The following EPRS1 variants were observed in gnomAD, a reference collection of about 807,000 sequenced individuals.
EPRS1 encodes the protein glutamyl-prolyl-tRNA synthetase 1, also known as bifunctional glutamate/proline--tRNA ligase.
Under a neutral mutation model 188.3 loss-of-function variants are expected in EPRS1, and 107 were observed. The observed-to-expected ratio is 0.57, with a 90% CI of 0.49 to 0.67. The LOEUF (loss-of-function observed/expected upper bound fraction) is 0.67. Among genes scored for constraint, EPRS1 ranks in the 30% least tolerant of loss-of-function variants. The pLI is 0.00. For synonymous variants in EPRS1, 596 were observed against 593.1 expected (o/e 1.00, Z -0.07); for missense variants, 1,577 against 1,802.2 (o/e 0.88, Z 2.26).
In EPRS1 at chr1:219,988,788, G is replaced by A. The variant is rs760012511; in HGVS notation, c.2577C>T (p.Ser859=). The change falls in exon 19 of 32, where the codon TCC becomes TCT. Residue 859 remains serine (S), a synonymous_variant. Transcript: ENST00000366923. ...KINEAVECLL[S]LKAQYKEKTG... Reference sequence around the variant, plus strand: ...TTTTTTCTTTATACTGAGCCTTCAGGGACAGTAAGCATTCTACAGCTTCAT... The same window carrying A: ...TTTTTTCTTTATACTGAGCCTTCAGAGACAGTAAGCATTCTACAGCTTCAT... The A allele has an allele frequency of 1.2e-6, 2 of 1,611,448 alleles. No homozygotes were observed. The highest frequency in any genetic ancestry group is 4.5e-5 in the East Asian group (2 of 44,834).
rs1660822291 is a variant in EPRS1, at chr1:219,978,536, A to T, written c.4083+10T>A. 1 of 1,550,030 alleles carries T rather than the reference A, an allele frequency of 6.5e-7. No individual in the cohort carries two copies. Among genetic ancestry groups the T allele is most frequent in the East Asian group, 2.4e-5 (1 of 41,846 alleles). ...ATGTTGGGGGTAAAAGATAAAGCTT[A>T]GGAATTTACCTTGAGCTCCCAGTGA... On this transcript the variant is annotated intron_variant, in intron 28 of 31. Coordinates refer to ENST00000366923, the MANE Select transcript of EPRS1 (RefSeq NM_004446.3).
In EPRS1 at chr1:219,978,517, G is replaced by T. The variant is rs764066964; in HGVS notation, c.4083+29C>A. 10 of 1,502,064 alleles carry T rather than the reference G, an allele frequency of 6.7e-6. No individual in the cohort carries two copies. In the Admixed American group the frequency reaches 2.1e-4, roughly 32 times the overall value. The allele number at this position is 1,502,064 out of a possible 1,614,324, so 93.0% of individuals were successfully genotyped here. On this transcript the variant is annotated intron_variant, in intron 28 of 31. Transcript: ENST00000366923. ...ATCTAAACTCAAATTGCAGATGTTG[G>T]GGGTAAAAGATAAAGCTTAGGAATT...
At chr1:219,983,668 G>T (rs2102565533) in intron 21 of EPRS1, among the ~76,000 whole-genome samples, 1 of 152,246 alleles carries the variant, frequency 6.6e-6, no homozygotes, top group South Asian at 2.1e-4. Flanking sequence ...CGAGGTGGGT[G>T]GATTGCTTGA....
At chr1:220,032,362 T>TAA (rs34457701) in intron 5 of EPRS1, 25 bp downstream of exon 5, 5 of 1,503,652 alleles carry the variant, frequency 3.3e-6, no homozygotes, top group Non-Finnish European at 3.6e-6. Flanking sequence ...TTTTTTTTTT[T>TAA]AAAAAAAAAG....
At chr1:219,996,000 T>G (rs1661224630) in intron 18 of EPRS1, among the ~76,000 whole-genome samples, 2 of 152,190 alleles carry the variant, frequency 1.3e-5, no homozygotes, top group South Asian at 4.1e-4. Flanking sequence ...CTACAATTTC[T>G]GGCAGCTCAT....
chr1:220,013,910 AT>A (rs768566913), intron 12 of EPRS1, among the ~76,000 whole-genome samples: 7 of 152,088 alleles, frequency 4.6e-5, no homozygotes, highest in Non-Finnish European at 1.0e-4. Context: ...ATCTCACAGG[AT>A]TTAGGAGAAA....
At chr1:219,978,852 A>T (rs756721615) in intron 27 of EPRS1, 133 bp from the exon 28 acceptor site, 11 of 593,342 alleles carry the variant, frequency 1.9e-5, no homozygotes, top group Admixed American at 3.3e-5. Flanking sequence ...CTTATATATA[A>T]TGTCTACTAA....
intron 3 of EPRS1, 83 bp downstream of exon 3, chr1:220,034,831 T>C (rs1662147421): frequency 3.7e-6 from 3 of 816,814 alleles, no homozygotes; most frequent in Admixed American, 3.5e-5. Context: ...GAATAGTTCA[T>C]AAGCCAACAA....
At chr1:219,977,987 A>G (rs1660811220) in intron 28 of EPRS1, among the ~76,000 whole-genome samples, 1 of 152,222 alleles carries the variant, frequency 6.6e-6, no homozygotes, top group African/African-American at 2.4e-5. Flanking sequence ...TATAAATCAG[A>G]ATTAAGGCCA....
At chr1:220,006,810 AAATT>A (rs1661496262) in intron 14 of EPRS1, among the ~76,000 whole-genome samples, 1 of 152,240 alleles carries the variant, frequency 6.6e-6, no homozygotes, top group African/African-American at 2.4e-5. Context: ...CTAGAAAGTC[AAATT>A]AATTATTAAC....
intron 12 of EPRS1, among the ~76,000 whole-genome samples, chr1:220,015,797 A>T (rs77664284): frequency 0.62 from 93,157 of 149,514 alleles, 30,688 homozygotes; most frequent in Non-Finnish European, 0.75. Flanking sequence ...GGTAATATAA[A>T]AAAAAAAAAA....
At chr1:220,027,063 G>A (rs535848116) in intron 6 of EPRS1, among the ~76,000 whole-genome samples, 12 of 150,660 alleles carry the variant, frequency 8.0e-5, no homozygotes, top group African/African-American at 2.4e-4. Flanking sequence ...AGGCGGAGGC[G>A]GGCAGATCAC....
Position 219,981,471 on chromosome 1 carries a change from G to A in EPRS1, c.3374-14C>T. On this transcript the variant is annotated splice_polypyrimidine_tract_variant and intron_variant, in intron 23 of 31. Coordinates refer to ENST00000366923, the MANE Select transcript of EPRS1 (RefSeq NM_004446.3). ...CAGGATACATTACTGAAAGACACGG[G>A]AAAATAGAGACAGTCATTTAAGGCT... 1 of 1,548,746 alleles carries A rather than the reference G, an allele frequency of 6.5e-7. No individual in the cohort carries two copies. Among genetic ancestry groups the A allele is most frequent in the Non-Finnish European group, 8.8e-7 (1 of 1,133,904 alleles).
chr1:219,976,730 G>C (rs1490350822), intron 28 of EPRS1, among the ~76,000 whole-genome samples: 1 of 152,176 alleles, frequency 6.6e-6, no homozygotes, highest in East Asian at 1.9e-4. Flanking sequence ...GTGAAGAAGA[G>C]AGAAAACGGC....
rs1660701957 is a variant in EPRS1, at chr1:219,973,176, T to G, written c.4244+62A>C. ...TGGGGCAACCCCAAAAATTCCTTGGTAAAGATCTCAAAGGTGGTGGAAGAT... is the reference window on the plus strand; with the variant it reads ...TGGGGCAACCCCAAAAATTCCTTGGGAAAGATCTCAAAGGTGGTGGAAGAT... On this transcript the variant is annotated intron_variant, in intron 29 of 31. Coordinates refer to ENST00000366923, the MANE Select transcript of EPRS1 (RefSeq NM_004446.3). The G allele has an allele frequency of 2.7e-6, 4 of 1,455,934 alleles. No individual in the cohort carries two copies. The Admixed American group carries it at 7.4e-5, about 27-fold the overall frequency. The allele number at this position is 1,455,934 out of a possible 1,614,324, so 90.2% of individuals were successfully genotyped here.
chr1:219,994,640 C>CTTTTTT (rs71169424), intron 18 of EPRS1, among the ~76,000 whole-genome samples: 16 of 109,492 alleles, frequency 1.5e-4, no homozygotes, highest in Non-Finnish European at 2.6e-4. Flanking sequence ...GTAACTTCTT[C>CTTTTTT]TTTTTTTTTT....
chr1:220,024,518 C>G, intron 7 of EPRS1, 62 bp from the exon 8 acceptor site: 1 of 1,107,450 alleles, frequency 9.0e-7, no homozygotes, highest in Non-Finnish European at 1.3e-6. Context: ...GCATTTTCAA[C>G]CCTTGATACT....
intron 12 of EPRS1, among the ~76,000 whole-genome samples, chr1:220,013,885 G>C (rs1262492519): frequency 2.6e-5 from 4 of 152,196 alleles, no homozygotes; most frequent in Non-Finnish European, 4.4e-5. Flanking sequence ...TAAAGACGGT[G>C]TTTAATGATT....
intron 12 of EPRS1, among the ~76,000 whole-genome samples, chr1:220,013,856 T>C (rs1661651422): frequency 6.6e-6 from 1 of 152,224 alleles, no homozygotes; most frequent in Non-Finnish European, 1.5e-5. Flanking sequence ...ACCAGTTGAC[T>C]AAAAACAATG....
Sources: gnomAD v4.1 joint callset for allele counts (sites outside exome capture counted in the v4.1 genomes callset) on GRCh38, gnomAD v4.1.1 for gene constraint, MANE v1.5 for transcripts, NCBI Gene and HGNC (gene_info 2026-07-23, HGNC 2026-07-21) for gene names.